Variants in RAB38 observed in about 807,000 individuals in gnomAD.
RAB38 encodes RAB38, member RAS oncogene family.
A neutral mutation model predicts 18.4 loss-of-function variants in RAB38; 15 were observed. The observed-to-expected ratio is 0.82, with a 90% CI of 0.55 to 1.26. The LOEUF is 1.26. Among genes scored for constraint, RAB38 ranks in the 50% most tolerant of loss-of-function variants. The pLI, the probability that RAB38 is intolerant of heterozygous loss-of-function variation, is 0.00. For missense variants in RAB38, 294 were observed against 267.4 expected (o/e 1.10, Z -0.69); for synonymous variants, 101 against 104.4 (o/e 0.97, Z 0.20).
the RAB38 span, among the ~76,000 whole-genome samples, chr11:87,919,930 C>T: frequency 1.3e-5 from 2 of 152,000 alleles, no homozygotes; most frequent in South Asian, 4.1e-4. Context: ...ATAAAATTCA[C>T]CTACCCTAAG....
chr11:88,167,656 G>C (rs1482569573), intron 1 of RAB38: 1 of 151,924 alleles, frequency 6.6e-6, no homozygotes, highest in Non-Finnish European at 1.5e-5. Flanking sequence ...AGGAAGGAGA[G>C]AACAGTAGAA....
At chr11:88,125,562 A>G (rs928366983) in intron 2 of RAB38, among the ~76,000 whole-genome samples, 1 of 152,036 alleles carries the variant, frequency 6.6e-6, no homozygotes, top group African/African-American at 2.4e-5. Context: ...GGTGCCATAG[A>G]AAGACTCAGA....
chr11:88,046,124 C>G, the RAB38 span, among the ~76,000 whole-genome samples: 2 of 151,934 alleles, frequency 1.3e-5, no homozygotes, highest in Non-Finnish European at 2.9e-5. Flanking sequence ...ATCATGCACC[C>G]TTTACCATCT....
chr11:87,904,993 G>C, the RAB38 span, among the ~76,000 whole-genome samples: 1 of 151,396 alleles, frequency 6.6e-6, no homozygotes, highest in South Asian at 2.1e-4. Context: ...AGTCTCTTTT[G>C]GCCTCTTCTG....
downstream of RAB38, among the ~76,000 whole-genome samples, chr11:88,111,352 T>C (rs1245972542): frequency 6.6e-6 from 1 of 152,086 alleles, no homozygotes; most frequent in East Asian, 1.9e-4. Flanking sequence ...CTTTTGATCA[T>C]TATGGTGAAT....
the RAB38 span, among the ~76,000 whole-genome samples, chr11:87,904,776 T>C: frequency 1.3e-5 from 2 of 151,804 alleles, no homozygotes; most frequent in Non-Finnish European, 2.9e-5. Flanking sequence ...ACAGCCATTC[T>C]GACTAGTGTG....
the RAB38 span, among the ~76,000 whole-genome samples, chr11:87,853,631 G>A: frequency 7.3e-6 from 1 of 137,132 alleles, no homozygotes; most frequent in East Asian, 2.2e-4. Context: ...CTTAACTGGA[G>A]CAGATGTTTG....
chr11:87,856,387 C>CTGTG, the RAB38 span, among the ~76,000 whole-genome samples: 1 of 152,150 alleles, frequency 6.6e-6, no homozygotes, highest in African/African-American at 2.4e-5. Context: ...CTCTGAGTAA[C>CTGTG]TGTGTGGAGC....
At chr11:87,932,372 G>T in the RAB38 span, among the ~76,000 whole-genome samples, 1,718 of 152,088 alleles carry the variant, frequency 0.011, 29 homozygotes, top group African/African-American at 0.035. Context: ...GCCACCAGAA[G>T]GGAGAGAAAA....
chr11:87,942,617 T>C, the RAB38 span, among the ~76,000 whole-genome samples: 2 of 152,144 alleles, frequency 1.3e-5, no homozygotes, highest in South Asian at 2.1e-4. Context: ...CCTGCTGGTA[T>C]GTGGAGCTGA....
At chr11:87,886,911 T>C in the RAB38 span, among the ~76,000 whole-genome samples, 1 of 150,368 alleles carries the variant, frequency 6.7e-6, no homozygotes, top group Non-Finnish European at 1.5e-5. Flanking sequence ...ATTGCATCAA[T>C]GAAAGGTTAT....
chr11:88,050,860 C>A, the RAB38 span, among the ~76,000 whole-genome samples: 1 of 152,196 alleles, frequency 6.6e-6, no homozygotes, highest in Non-Finnish European at 1.5e-5. Flanking sequence ...AGGAAGAAGA[C>A]CAGAATTCAA....
At chr11:87,907,561 C>A in the RAB38 span, among the ~76,000 whole-genome samples, 1 of 151,552 alleles carries the variant, frequency 6.6e-6, no homozygotes, top group South Asian at 2.1e-4. Flanking sequence ...TTATTTCCAT[C>A]ATAGTTTTTA....
At chr11:88,168,202 T>A (rs1943267280) in intron 1 of RAB38, among the ~76,000 whole-genome samples, 1 of 152,192 alleles carries the variant, frequency 6.6e-6, no homozygotes, top group South Asian at 2.1e-4. Flanking sequence ...GAAGACCTAT[T>A]TGTTAGAATT....
chr11:87,948,691 A>G, the RAB38 span, among the ~76,000 whole-genome samples: 16 of 81,806 alleles, frequency 2.0e-4, no homozygotes, highest in African/African-American at 2.6e-4. Flanking sequence ...TATATGCTGG[A>G]TTTATTGATT....
At chr11:88,152,857 G>A (rs7114446) in intron 1 of RAB38, among the ~76,000 whole-genome samples, 12,605 of 152,248 alleles carry the variant, frequency 0.083, 586 homozygotes, top group Middle Eastern at 0.12. Flanking sequence ...TCTATACTTT[G>A]TGCTGGAAAT....
chr11:88,117,786 A>T (rs2134773925), intron 2 of RAB38, among the ~76,000 whole-genome samples: 1 of 152,340 alleles, frequency 6.6e-6, no homozygotes, highest in Admixed American at 6.5e-5. Flanking sequence ...TTCAAAATTT[A>T]CCTCACAAAT....
At chr11:88,013,349 A>C in the RAB38 span, among the ~76,000 whole-genome samples, 235 of 152,262 alleles carry the variant, frequency 1.5e-3, no homozygotes, top group African/African-American at 5.2e-3. Context: ...TTTTGTTCAG[A>C]GTAAGTATAT....
the RAB38 span, among the ~76,000 whole-genome samples, chr11:88,085,032 A>G: frequency 2.0e-5 from 3 of 152,036 alleles, no homozygotes; most frequent in African/African-American, 7.2e-5. Flanking sequence ...TAGTAACAGG[A>G]CTGCTTAAAA....
Sources: gnomAD v4.1 joint callset for allele counts (sites outside exome capture counted in the v4.1 genomes callset) on GRCh38, gnomAD v4.1.1 for gene constraint, MANE v1.5 for transcripts, NCBI Gene and HGNC (gene_info 2026-07-23, HGNC 2026-07-21) for gene names.